ESR2: variants seen among roughly 807,000 people sequenced by gnomAD.
The protein encoded by ESR2 is estrogen receptor 2, also known as estrogen receptor beta.
In ESR2, 36 loss-of-function variants were observed where a neutral mutation model predicts 49.6. That is an observed-to-expected ratio of 0.73 (90% CI 0.56 to 0.96). The LOEUF (loss-of-function observed/expected upper bound fraction) is 0.96, where lower values mean the gene tolerates loss of function less well. ESR2 is among the 40% of genes least tolerant of loss of function. The pLI is 0.00. For missense variants in ESR2, 714 were observed against 693.0 expected (o/e 1.03, Z -0.34); for synonymous variants, 320 against 266.1 (o/e 1.20, Z -1.97).
chr14:64,299,061 G>A (rs1198916543), upstream of ESR2, among the ~76,000 whole-genome samples: 1 of 150,420 alleles, frequency 6.6e-6, no homozygotes, highest in Non-Finnish European at 1.5e-5. Flanking sequence ...TTTCACAAAT[G>A]ACTCAAATGC....
At chr14:64,299,004 A>G (rs1018733885), upstream of ESR2, among the ~76,000 whole-genome samples, 1 of 152,082 alleles carries the variant, frequency 6.6e-6, no homozygotes, top group Non-Finnish European at 1.5e-5. Flanking sequence ...AAAAAAAAAA[A>G]AAAAGTTATA....
rs1168105537 is a variant in ESR2, at chr14:64,232,099, C to G, written c.*1038G>C. 2 of 152,210 alleles carry G rather than the reference C, an allele frequency of 1.3e-5. No individual in the cohort carries two copies. Among genetic ancestry groups the G allele is most frequent in the African/African-American group, 4.8e-5 (2 of 41,446 alleles). 9.4% of individuals were successfully genotyped at this position (152,210 alleles called of 1,614,324 possible). On this transcript the variant is annotated 3_prime_UTR_variant, in exon 9 of 9. Coordinates refer to ENST00000341099, the MANE Select transcript of ESR2 (RefSeq NM_001437.3). ...AAGGGGCGTACTCATCAAGGCTATACAGTGTGGCCCCAGAGCTGACACACT... is the reference window on the plus strand; with the variant it reads ...AAGGGGCGTACTCATCAAGGCTATAGAGTGTGGCCCCAGAGCTGACACACT...
At chr14:64,287,102 A>C (rs767955373) in intron 1 of ESR2, among the ~76,000 whole-genome samples, 2 of 152,088 alleles carry the variant, frequency 1.3e-5, no homozygotes, top group Non-Finnish European at 2.9e-5. Flanking sequence ...TCTAAGTATA[A>C]AGTTCAGTAG....
intron 1 of ESR2, among the ~76,000 whole-genome samples, chr14:64,325,738 G>A (rs9788542): frequency 0.016 from 2,397 of 152,136 alleles, 67 homozygotes; most frequent in East Asian, 0.087. Context: ...AAGTGAAGAC[G>A]ATGAGAATGA....
At chr14:64,265,964 A>T (rs1278225849) in intron 4 of ESR2, among the ~76,000 whole-genome samples, 1 of 152,212 alleles carries the variant, frequency 6.6e-6, no homozygotes, top group Non-Finnish European at 1.5e-5. Context: ...AGAGAGACAG[A>T]GTTAAGAAAG....
chr14:64,268,203 A>C (rs992440170), intron 4 of ESR2, among the ~76,000 whole-genome samples: 1 of 152,226 alleles, frequency 6.6e-6, no homozygotes. Context: ...TATGTATGTG[A>C]ATATGTTAAA....
rs1005423244 is a variant in ESR2 at position 64,229,542 on chromosome 14, T to A, written c.*3595A>T. On this transcript the variant is annotated 3_prime_UTR_variant, in exon 9 of 9. Transcript: ENST00000341099. ...AGGGGGTATCACAAGGGGGCCCCAT[T>A]TAAATCACAGCAGCCGTGCATGTCA... Among the ~76,000 whole-genome samples the A allele has an allele frequency of 3.9e-5, 6 of 152,144 alleles. No homozygotes were observed. The highest frequency in any genetic ancestry group is 1.4e-4 in the African/African-American group (6 of 41,422).
intron 3 of ESR2, among the ~76,000 whole-genome samples, chr14:64,278,572 T>C (rs771238852): frequency 2.0e-5 from 3 of 152,152 alleles, no homozygotes; most frequent in African/African-American, 4.8e-5. Context: ...GGGGCTTTGA[T>C]AGAAAAAGGA....
intron 1 of ESR2, among the ~76,000 whole-genome samples, chr14:64,313,889 A>AAAAG (rs1197600388): frequency 3.5e-4 from 53 of 151,848 alleles, no homozygotes; most frequent in African/African-American, 1.1e-3. Context: ...AAAAAAAAAA[A>AAAAG]AAAGAAAGAA....
At chr14:64,310,467 G>A (rs780303703) in intron 1 of ESR2, among the ~76,000 whole-genome samples, 243 of 151,014 alleles carry the variant, frequency 1.6e-3, no homozygotes, top group Middle Eastern at 3.4e-3. Context: ...AAAAAATGCC[G>A]GAGAACTTTT....
At chr14:64,252,733 G>A (rs1335741834) in intron 6 of ESR2, among the ~76,000 whole-genome samples, 1 of 152,076 alleles carries the variant, frequency 6.6e-6, no homozygotes, top group Non-Finnish European at 1.5e-5. Flanking sequence ...GAACAGCATG[G>A]GGGAAACCAT....
chr14:64,266,422 A>C (rs538848384), intron 4 of ESR2, among the ~76,000 whole-genome samples: 46 of 152,096 alleles, frequency 3.0e-4, no homozygotes, highest in Non-Finnish European at 5.3e-4. Flanking sequence ...TGAAACATAG[A>C]CTCTATGGGA....
chr14:64,261,107 AT>A (rs1312900961), intron 4 of ESR2, among the ~76,000 whole-genome samples: 1 of 152,138 alleles, frequency 6.6e-6, no homozygotes, highest in African/African-American at 2.4e-5. Flanking sequence ...ATATGTATAT[AT>A]TTCCTTATAC....
chr14:64,242,547 C>A (rs1385914734), intron 7 of ESR2, among the ~76,000 whole-genome samples: 1 of 149,876 alleles, frequency 6.7e-6, no homozygotes, highest in East Asian at 1.9e-4. Flanking sequence ...CCTTGTATTC[C>A]CAAAAATTCT....
At chr14:64,290,780 A>G (rs1320872079) in intron 1 of ESR2, among the ~76,000 whole-genome samples, 1 of 152,206 alleles carries the variant, frequency 6.6e-6, no homozygotes, top group Non-Finnish European at 1.5e-5. Context: ...ACACTCCAAA[A>G]TCACCAGAGA....
chr14:64,232,954 T>C lies in ESR2; in HGVS notation c.*183A>G. 1 of 1,304,928 alleles carries C rather than the reference T, an allele frequency of 7.7e-7. No homozygotes were observed. Among genetic ancestry groups the C allele is most frequent in the Admixed American group, 2.9e-5 (1 of 34,130 alleles). The allele number at this position is 1,304,928 out of a possible 1,614,324, so 80.8% of individuals were successfully genotyped here. A position where few individuals can be genotyped will look rare whatever the true frequency, so the allele number is the denominator to read the frequency against. On this transcript the variant is annotated 3_prime_UTR_variant, in exon 9 of 9. Transcript: ENST00000341099. ...TGTGCCCTCTGCTAACAAGGGAAACTATGGCTTCCTCACACCGACTCCTGA... is the reference window on the plus strand; with the variant it reads ...TGTGCCCTCTGCTAACAAGGGAAACCATGGCTTCCTCACACCGACTCCTGA...
upstream of ESR2, chr14:64,338,511 G>A (rs891937919): frequency 8.4e-5 from 13 of 154,682 alleles, no homozygotes; most frequent in African/African-American, 2.9e-4. Context: ...CCCGCGCAGG[G>A]ACCCGCCCAT....
chr14:64,239,384 T>G (rs780611077), intron 7 of ESR2, among the ~76,000 whole-genome samples: 52 of 152,214 alleles, frequency 3.4e-4, no homozygotes, highest in Non-Finnish European at 6.8e-4. Flanking sequence ...CAGTGTCTCT[T>G]AATAATTTTC....
intron 7 of ESR2, 72 bp from the exon 8 acceptor site, chr14:64,235,222 G>A (rs934415765): frequency 2.7e-5 from 41 of 1,513,014 alleles, no homozygotes; most frequent in South Asian, 7.1e-5. Context: ...CAGCTGTTCC[G>A]TGCGCCTGCT....
Sources: gnomAD v4.1 joint callset for allele counts (sites outside exome capture counted in the v4.1 genomes callset) on GRCh38, gnomAD v4.1.1 for gene constraint, MANE v1.5 for transcripts, NCBI Gene and HGNC (gene_info 2026-07-23, HGNC 2026-07-21) for gene names.